Variants in KCNH1 observed in about 807,000 individuals in gnomAD.
KCNH1 encodes the protein potassium voltage-gated channel subfamily H member 1.
A neutral mutation model predicts 69.2 loss-of-function variants in KCNH1; 27 were observed. The ratio of observed to expected loss-of-function variants is 0.39; its 90% CI spans 0.29 to 0.54. The LOEUF (loss-of-function observed/expected upper bound fraction) is 0.54. KCNH1 is among the 20% of genes least tolerant of loss of function. KCNH1 has a pLI of 0.68. For missense variants in KCNH1, 798 were observed against 1,261.6 expected, an observed-to-expected ratio of 0.63 and a Z score of 5.57; for synonymous variants, 456 against 487.7, an observed-to-expected ratio of 0.93 and a Z score of 0.86.
intron 10 of KCNH1, among the ~76,000 whole-genome samples, chr1:210,688,694 G>A (rs73067429): frequency 8.2e-4 from 125 of 152,306 alleles, no homozygotes; most frequent in African/African-American, 2.9e-3. Flanking sequence ...TCTTACATGA[G>A]CTCAGAGAGC....
intron 7 of KCNH1, among the ~76,000 whole-genome samples, chr1:210,880,399 T>C (rs1231829810): frequency 2.6e-5 from 4 of 151,976 alleles, no homozygotes; most frequent in African/African-American, 9.7e-5. Flanking sequence ...AACAAATAAA[T>C]CCATGCAACA....
At chr1:211,026,743 T>A (rs1304333583) in intron 5 of KCNH1, among the ~76,000 whole-genome samples, 1 of 152,192 alleles carries the variant, frequency 6.6e-6, no homozygotes, top group Non-Finnish European at 1.5e-5. Context: ...AGAGGAAGCC[T>A]AGTGGAGAGT....
At chr1:210,695,636 C>T (rs1681622317) in intron 10 of KCNH1, among the ~76,000 whole-genome samples, 2 of 152,194 alleles carry the variant, frequency 1.3e-5, no homozygotes, top group Non-Finnish European at 2.9e-5. Flanking sequence ...GGGTGCTTGT[C>T]ACACAGCAAA....
chr1:210,979,083 T>C (rs115595539), intron 6 of KCNH1, among the ~76,000 whole-genome samples: 2,761 of 152,260 alleles, frequency 0.018, 62 homozygotes, highest in South Asian at 0.094. Context: ...ATTTCTGAGA[T>C]TGTCAATTCC....
intron 6 of KCNH1, among the ~76,000 whole-genome samples, chr1:210,997,128 G>T (rs1271295046): frequency 6.6e-6 from 1 of 152,226 alleles, no homozygotes; most frequent in Non-Finnish European, 1.5e-5. Flanking sequence ...AAGAAACACA[G>T]CTCCTCACCA....
chr1:210,761,967 C>T (rs966959857), intron 10 of KCNH1, among the ~76,000 whole-genome samples: 20 of 152,116 alleles, frequency 1.3e-4, no homozygotes, highest in African/African-American at 4.1e-4. Context: ...GCACATGGAA[C>T]GTACTCTAAG....
At chr1:210,959,299 G>A (rs902497170) in intron 6 of KCNH1, among the ~76,000 whole-genome samples, 1 of 152,150 alleles carries the variant, frequency 6.6e-6, no homozygotes, top group African/African-American at 2.4e-5. Context: ...CTTTGTCCCA[G>A]AGGGGCACCC....
chr1:210,727,469 A>G (rs1351185238), intron 10 of KCNH1, among the ~76,000 whole-genome samples: 1 of 152,186 alleles, frequency 6.6e-6, no homozygotes, highest in Non-Finnish European at 1.5e-5. Flanking sequence ...AAGAGCTGAG[A>G]TTACAGGTGT....
At chr1:210,911,857 T>C (rs1243565191) in intron 7 of KCNH1, among the ~76,000 whole-genome samples, 2 of 152,142 alleles carry the variant, frequency 1.3e-5, no homozygotes, top group African/African-American at 4.8e-5. Flanking sequence ...TTCAAAATAA[T>C]AGGGATATCT....
intron 10 of KCNH1, among the ~76,000 whole-genome samples, chr1:210,709,581 G>A (rs1682001967): frequency 6.6e-6 from 1 of 152,162 alleles, no homozygotes; most frequent in Admixed American, 6.5e-5. Context: ...ATGAAGCTAA[G>A]TTAAGAGTCA....
intron 7 of KCNH1, among the ~76,000 whole-genome samples, chr1:210,867,330 TACACACACACACAC>T (rs57696942): frequency 4.9e-5 from 7 of 144,134 alleles, no homozygotes; most frequent in East Asian, 4.1e-4. Flanking sequence ...TGTATATGTT[TACACACACACACAC>T]ACACACACAC....
chr1:210,732,526 G>A (rs1041851789), intron 10 of KCNH1, among the ~76,000 whole-genome samples: 3 of 152,212 alleles, frequency 2.0e-5, no homozygotes, highest in African/African-American at 7.2e-5. Flanking sequence ...GGCAGAGGCT[G>A]TGTCGTCTAT....
intron 10 of KCNH1, among the ~76,000 whole-genome samples, chr1:210,761,623 C>T (rs1683526247): frequency 6.6e-6 from 1 of 151,868 alleles, no homozygotes; most frequent in Non-Finnish European, 1.5e-5. Context: ...AGGCTTCAAA[C>T]CAACAAAAGT....
rs1681346342 is a variant in KCNH1 at position 210,684,060 on chromosome 1, AG to A, written c.2190del (p.Leu731CysfsTer34). 2 of 1,532,390 alleles carry A rather than the reference AG, an allele frequency of 1.3e-6. No individual in the cohort carries two copies. Among genetic ancestry groups the A allele is most frequent in the Non-Finnish European group, 1.8e-6 (2 of 1,139,714 alleles). The allele number at this position is 1,532,390 out of a possible 1,614,324, so 94.9% of individuals were successfully genotyped here. ...RMKRKNEAPL[I>X]LPPDHPVRRL... ...CGCCGGACAGGGTGGTCCGGGGGCAAGATCAGGGGGGCCTCATTCTTTCGTT... is the reference window on the plus strand; with the variant it reads ...CGCCGGACAGGGTGGTCCGGGGGCAAATCAGGGGGGCCTCATTCTTTCGTT... On this transcript the variant is annotated frameshift_variant, in exon 11 of 11. Coordinates refer to ENST00000271751, the MANE Select transcript of KCNH1 (RefSeq NM_172362.3). LOFTEE classifies it low-confidence loss of function (END_TRUNC).
At position 211,026,318 on chromosome 1, in the gene KCNH1, T is replaced by C. The variant is rs148591470; in HGVS notation, c.559-7062A>G. 3.3e-3 allele frequency among the ~76,000 whole-genome samples: 492 copies of C among 147,498 alleles called. 2 individuals are homozygous for C. The highest frequency in any genetic ancestry group is 0.012 in the African/African-American group (466 of 39,654). Reference sequence around the variant, plus strand: ...CTCTCTGGGTTTTCTTTTTGCCTCATGTGTTCCTGACTTGGAGCTGAAGAA... The same window carrying C: ...CTCTCTGGGTTTTCTTTTTGCCTCACGTGTTCCTGACTTGGAGCTGAAGAA... On this transcript the variant is annotated intron_variant, in intron 5 of 10. Coordinates refer to ENST00000271751, the MANE Select transcript of KCNH1 (RefSeq NM_172362.3).
intron 9 of KCNH1, among the ~76,000 whole-genome samples, chr1:210,787,322 C>T (rs1684123836): frequency 6.6e-6 from 1 of 152,186 alleles, no homozygotes; most frequent in African/African-American, 2.4e-5. Context: ...CCATCCTTGA[C>T]TTCTCATAGC....
At chr1:210,869,130 TGTGA>T (rs1218086022) in intron 7 of KCNH1, among the ~76,000 whole-genome samples, 1 of 152,162 alleles carries the variant, frequency 6.6e-6, no homozygotes, top group Non-Finnish European at 1.5e-5. Context: ...ACAAGACATA[TGTGA>T]GTATTGTTAT....
chr1:210,775,979 A>G (rs1197897198), intron 9 of KCNH1, among the ~76,000 whole-genome samples: 1 of 152,218 alleles, frequency 6.6e-6, no homozygotes, highest in African/African-American at 2.4e-5. Flanking sequence ...GTGCCTGCAC[A>G]TGGTGGGAGC....
rs745898753 is a variant in KCNH1 at position 211,019,259 on chromosome 1, G to A, written c.559-3C>T. The stretch of plus-strand genomic sequence containing the variant: ...ATGTCTGAGCCCAGCTGTAGGACCT[G>A]TACAGAAAAACATGACCAAGAGAGA... On this transcript the variant is annotated splice_polypyrimidine_tract_variant and splice_region_variant and intron_variant, in intron 5 of 10. Transcript: ENST00000271751. 2 of 1,579,998 alleles carry A rather than the reference G, an allele frequency of 1.3e-6. No homozygotes were observed. The highest frequency in any genetic ancestry group is 1.7e-6 in the Non-Finnish European group (2 of 1,163,436).
Sources: gnomAD v4.1 joint callset for allele counts (sites outside exome capture counted in the v4.1 genomes callset) on GRCh38, gnomAD v4.1.1 for gene constraint, MANE v1.5 for transcripts, NCBI Gene and HGNC (gene_info 2026-07-23, HGNC 2026-07-21) for gene names.